The following FOXN3 variants were observed in gnomAD, a reference collection of about 807,000 sequenced individuals.
FOXN3 encodes forkhead box protein N3.
FOXN3 carries 7 observed loss-of-function variants against 38.4 expected under a neutral mutation model. That is an observed-to-expected ratio of 0.18 (90% confidence interval 0.10 to 0.34). FOXN3 has a LOEUF of 0.34. Among genes scored for constraint, FOXN3 ranks in the 10% least tolerant of loss-of-function variants. The pLI is 1.00. For synonymous variants in FOXN3, 230 were observed against 242.2 expected (o/e 0.95, Z 0.47); for missense variants, 456 against 613.4 (o/e 0.74, Z 2.71).
At chr14:89,577,065 T>C (rs878942913) in intron 1 of FOXN3, 1 of 152,170 alleles carries the variant, frequency 6.6e-6, no homozygotes, top group South Asian at 2.1e-4. Context: ...AAATTTCCCA[T>C]AAACACAGGG....
chr14:89,569,926 C>T (rs563816400), intron 1 of FOXN3, among the ~76,000 whole-genome samples: 49 of 152,108 alleles, frequency 3.2e-4, no homozygotes, highest in African/African-American at 5.3e-4. Context: ...GAGCTGAGTC[C>T]AGTGCAGAGC....
chr14:89,271,158 G>A (rs944854258), intron 4 of FOXN3, among the ~76,000 whole-genome samples: 1 of 152,150 alleles, frequency 6.6e-6, no homozygotes, highest in African/African-American at 2.4e-5. Flanking sequence ...ACACAAACTT[G>A]ACCCCTTGCA....
rs928298071 is a variant in FOXN3 at position 89,560,375 on chromosome 14, T to C, written c.-15+58653A>G. On this transcript the variant is annotated intron_variant, in intron 1 of 6. Coordinates refer to the FOXN3 transcript ENST00000345097. ...GCTGCGGCCATGTACAGCCCCTGGA[T>C]ACAGGGATGGGCAGAGAACATGGAG... is the stretch of plus-strand genomic sequence containing the variant. Among the ~76,000 whole-genome samples, 9 of 152,154 alleles carry C rather than the reference T, an allele frequency of 5.9e-5. No individual in the cohort carries two copies. The South Asian group carries it at 1.2e-3, about 21-fold the overall frequency.
chr14:89,410,819 G>A (rs2140096122), intron 2 of FOXN3, among the ~76,000 whole-genome samples: 1 of 151,674 alleles, frequency 6.6e-6, no homozygotes, highest in Admixed American at 6.6e-5. Context: ...GCTGCAGTGG[G>A]CAGTGATCAC....
At chr14:89,301,498 G>A (rs766362197) in intron 3 of FOXN3, among the ~76,000 whole-genome samples, 46 of 151,070 alleles carry the variant, frequency 3.0e-4, no homozygotes, top group Admixed American at 8.6e-4. Context: ...GGTGGGGCTC[G>A]GTGGCTCACG....
At chr14:89,217,216 C>T (rs1443000587) in intron 4 of FOXN3, among the ~76,000 whole-genome samples, 1 of 152,148 alleles carries the variant, frequency 6.6e-6, no homozygotes, top group African/African-American at 2.4e-5. Flanking sequence ...CTCACTGCAG[C>T]CTGGACCTCC....
At chr14:89,369,935 T>C (rs555535388) in intron 2 of FOXN3, among the ~76,000 whole-genome samples, 3 of 152,342 alleles carry the variant, frequency 2.0e-5, no homozygotes, top group South Asian at 2.1e-4. Context: ...GATTCTGGAA[T>C]TGATAAACAC....
intron 3 of FOXN3, among the ~76,000 whole-genome samples, chr14:89,325,801 A>T (rs1019560514): frequency 6.6e-6 from 1 of 152,206 alleles, no homozygotes; most frequent in African/African-American, 2.4e-5. Context: ...GTGAGTCCCA[A>T]GATGATGCTC....
intron 1 of FOXN3, among the ~76,000 whole-genome samples, chr14:89,570,247 C>T (rs1895463779): frequency 6.6e-6 from 1 of 152,204 alleles, no homozygotes. Flanking sequence ...GATCCGCCTG[C>T]CTCAGCCTCC....
rs916372771 is a variant in FOXN3 at position 89,253,867 on chromosome 14, A to G, written c.745+27083T>C. ...CTCCAGCTGTATGCCTGAGCAGATC[A>G]CTCATCTTTTCAAGCCTTTGTTTCC... On this transcript the variant is annotated intron_variant, in intron 4 of 5. Coordinates refer to ENST00000557258, the MANE Select transcript of FOXN3 (RefSeq NM_005197.4). 2.0e-5 allele frequency among the ~76,000 whole-genome samples: 3 copies of G among 151,878 alleles called. No individual in the cohort carries two copies. In the East Asian group the frequency reaches 5.8e-4, roughly 29 times the overall value.
intron 1 of FOXN3, among the ~76,000 whole-genome samples, chr14:89,529,773 G>A (rs1466419683): frequency 6.6e-6 from 1 of 152,092 alleles, no homozygotes; most frequent in Non-Finnish European, 1.5e-5. Context: ...TGGGCATGAT[G>A]GCACACACCT....
chr14:89,158,715 G>A lies in FOXN3; in HGVS notation c.*3699C>T, dbSNP rs1887032914. 6.6e-6 allele frequency: 1 copy of A among 152,504 alleles called. No homozygotes were observed. The highest frequency in any genetic ancestry group is 1.5e-5 in the Non-Finnish European group (1 of 68,014). The allele number at this position is 152,504 out of a possible 1,614,324, so 9.4% of individuals were successfully genotyped here. ...ATAGGATAAAAATAACTGTTTATATGTATATCATTTAAGAAAAAAAAGAGT... is the reference window on the plus strand; with the variant it reads ...ATAGGATAAAAATAACTGTTTATATATATATCATTTAAGAAAAAAAAGAGT... On this transcript the variant is annotated 3_prime_UTR_variant, in exon 6 of 6. Transcript: ENST00000557258.
At chr14:89,258,278 T>C (rs936220844) in intron 4 of FOXN3, among the ~76,000 whole-genome samples, 3 of 152,160 alleles carry the variant, frequency 2.0e-5, no homozygotes, top group African/African-American at 7.2e-5. Context: ...ATGTTCTATA[T>C]TATTTCAACC....
At chr14:89,480,403 CA>C (rs11306346) in intron 1 of FOXN3, among the ~76,000 whole-genome samples, 35,584 of 144,548 alleles carry the variant, frequency 0.25, 4,402 homozygotes, top group East Asian at 0.43. Context: ...AACTCTATCT[CA>C]AAAAAAAAAA....
chr14:89,614,705 C>T (rs1596333651), intron 1 of FOXN3, among the ~76,000 whole-genome samples: 1 of 152,254 alleles, frequency 6.6e-6, no homozygotes, highest in Non-Finnish European at 1.5e-5. Flanking sequence ...GTGACAATAG[C>T]AGGCTCTGGG....
At chr14:89,337,621 AT>A (rs1395926192) in intron 3 of FOXN3, among the ~76,000 whole-genome samples, 3 of 121,482 alleles carry the variant, frequency 2.5e-5, no homozygotes, top group Non-Finnish European at 5.4e-5. Context: ...GCACATTTGC[AT>A]TCTCTTTTCT....
At chr14:89,224,681 A>G (rs10150795) in intron 4 of FOXN3, among the ~76,000 whole-genome samples, 2,830 of 152,290 alleles carry the variant, frequency 0.019, 87 homozygotes, top group African/African-American at 0.064. Context: ...ACGGGTGACA[A>G]TCAACTAAGG....
chr14:89,192,467 G>C (rs1366950436), intron 4 of FOXN3, among the ~76,000 whole-genome samples: 20 of 140,174 alleles, frequency 1.4e-4, no homozygotes, highest in African/African-American at 5.2e-4. Context: ...ATAAACTATA[G>C]TTTATATATA....
chr14:89,202,794 A>G (rs1429196798), intron 4 of FOXN3, among the ~76,000 whole-genome samples: 3 of 152,150 alleles, frequency 2.0e-5, no homozygotes, highest in Non-Finnish European at 4.4e-5. Context: ...TCTCCATCAG[A>G]AGCTGGTGCT....
Sources: gnomAD v4.1 joint callset for allele counts (sites outside exome capture counted in the v4.1 genomes callset) on GRCh38, gnomAD v4.1.1 for gene constraint, MANE v1.5 for transcripts, NCBI Gene and HGNC (gene_info 2026-07-23, HGNC 2026-07-21) for gene names.